CHM: variants seen among roughly 807,000 people sequenced by gnomAD.
CHM encodes rab proteins geranylgeranyltransferase component A 1.
A neutral mutation model predicts 49.0 loss-of-function variants in CHM; 10 were observed. The ratio of observed to expected loss-of-function variants is 0.20; its 90% CI spans 0.13 to 0.35. CHM has a LOEUF of 0.35. CHM is among the 10% of genes least tolerant of loss of function. The pLI, the probability that CHM is intolerant of heterozygous loss-of-function variation, is 1.00. For synonymous variants in CHM, 184 were observed against 167.5 expected (o/e 1.10, Z -0.76); for missense variants, 455 against 478.4 (o/e 0.95, Z 0.46).
At position 86,021,140 on chromosome X, in the gene CHM, A is replaced by ATATATATACG. The variant is rs1555967742; in HGVS notation, c.116+6350_116+6351insCGTATATATA. 3.1e-4 allele frequency among the ~76,000 whole-genome samples: 16 copies of ATATATATACG among 51,509 alleles called. No homozygotes were observed. The East Asian group carries it at 0.022, about 70-fold the overall frequency. The allele number at this position is 51,509 out of a possible 115,157, so 44.7% of individuals were successfully genotyped here. ...TGTGTATATACGTATATATATATAT[A>ATATATATACG]TATATATATATATATATACACGTAT... On this transcript the variant is annotated intron_variant, in intron 2 of 14. Coordinates refer to ENST00000357749, the MANE Select transcript of CHM (RefSeq NM_000390.4).
intron 4 of CHM, among the ~76,000 whole-genome samples, chrX:85,964,756 G>A (rs770170639): frequency 3.6e-5 from 4 of 111,984 alleles, no homozygotes; most frequent in Non-Finnish European, 7.5e-5. Context: ...TACTCTAGTC[G>A]AAGCCCCATT....
At chrX:85,909,791 T>G (rs763013116) in intron 9 of CHM, among the ~76,000 whole-genome samples, 1 of 112,134 alleles carries the variant, frequency 8.9e-6, no homozygotes, top group African/African-American at 3.2e-5. Flanking sequence ...CACATGGGAC[T>G]GAAATGGGAC....
At chrX:86,008,776 A>G (rs1348719944) in intron 2 of CHM, among the ~76,000 whole-genome samples, 1 of 112,010 alleles carries the variant, frequency 8.9e-6, no homozygotes, top group East Asian at 2.8e-4. Flanking sequence ...ACAAAAGCAG[A>G]CAGAGGCAAT....
At chrX:85,938,722 T>C (rs1928933888) in intron 8 of CHM, among the ~76,000 whole-genome samples, 1 of 110,509 alleles carries the variant, frequency 9.0e-6, no homozygotes, top group Non-Finnish European at 1.9e-5. Flanking sequence ...CCCAAGTAAC[T>C]GATTACAAAC....
At chrX:85,930,924 T>A (rs1231398660) in intron 8 of CHM, among the ~76,000 whole-genome samples, 1 of 111,754 alleles carries the variant, frequency 8.9e-6, no homozygotes, top group African/African-American at 3.3e-5. Context: ...GAAAAAAGCC[T>A]GAGAATTTTC....
At chrX:86,042,629 G>C (rs998551721) in intron 1 of CHM, among the ~76,000 whole-genome samples, 2 of 108,754 alleles carry the variant, frequency 1.8e-5, no homozygotes. Context: ...ACCAGCCTGG[G>C]CAACATAGGC....
In CHM at chrX:85,970,493, A is replaced by G. The variant is rs988752975; in HGVS notation, c.315-6441T>C. On this transcript the variant is annotated intron_variant, in intron 4 of 14. Transcript: ENST00000357749. Reference sequence around the variant, plus strand: ...GTGTTTACCTGATGACTGAAATACAACATGATACACTGGAAATAGCACACG... The same window carrying G: ...GTGTTTACCTGATGACTGAAATACAGCATGATACACTGGAAATAGCACACG... 9.4e-6 allele frequency: 7 copies of G among 741,660 alleles called. No individual in the cohort carries two copies. The African/African-American group carries it at 1.6e-4, about 17-fold the overall frequency. The allele number at this position is 741,660 out of a possible 1,213,427, so 61.1% of individuals were successfully genotyped here.
intron 13 of CHM, among the ~76,000 whole-genome samples, chrX:85,876,492 C>A (rs1407859613): frequency 8.9e-6 from 1 of 111,776 alleles, no homozygotes; most frequent in Admixed American, 9.5e-5. Context: ...CATAAAGTTC[C>A]TTCTTCCTCA....
chrX:86,043,088 C>A (rs1268815847), intron 1 of CHM, among the ~76,000 whole-genome samples: 2 of 111,825 alleles, frequency 1.8e-5, no homozygotes, highest in East Asian at 5.6e-4. Flanking sequence ...AGAATTTAGC[C>A]TTTTCTCAAG....
chrX:85,914,194 T>C (rs1044743664), intron 8 of CHM, among the ~76,000 whole-genome samples: 1 of 110,565 alleles, frequency 9.0e-6, no homozygotes, highest in Admixed American at 9.6e-5. Flanking sequence ...CCCAGAAGGT[T>C]TGGCACGGGA....
chrX:85,930,428 A>G (rs925132236), intron 8 of CHM, among the ~76,000 whole-genome samples: 3 of 111,893 alleles, frequency 2.7e-5, no homozygotes, highest in Non-Finnish European at 3.8e-5. Flanking sequence ...ACAAGTCCCC[A>G]AGGTCAAAGT....
At chrX:85,998,991 G>A (rs1932574518) in intron 2 of CHM, among the ~76,000 whole-genome samples, 1 of 110,381 alleles carries the variant, frequency 9.1e-6, no homozygotes, top group Non-Finnish European at 1.9e-5. Flanking sequence ...CAGAAAAAAA[G>A]GTTTTTTTCA....
chrX:86,033,064 A>T (rs886927448), intron 1 of CHM, among the ~76,000 whole-genome samples: 4 of 111,596 alleles, frequency 3.6e-5, no homozygotes, highest in Non-Finnish European at 7.5e-5. Flanking sequence ...TAAAACCATT[A>T]TCTATTCATT....
chrX:85,917,402 T>C (rs965125614), intron 8 of CHM, among the ~76,000 whole-genome samples: 3 of 111,221 alleles, frequency 2.7e-5, no homozygotes, highest in African/African-American at 9.8e-5. Context: ...ATGACACAAG[T>C]TTAGCTATGT....
chrX:85,893,308 A>G (rs1925598397), intron 12 of CHM, among the ~76,000 whole-genome samples: 1 of 112,038 alleles, frequency 8.9e-6, no homozygotes, highest in South Asian at 3.7e-4. Flanking sequence ...ATGTTGTAGA[A>G]TGCATGATAT....
chrX:85,968,015 T>C (rs1484236186), intron 4 of CHM, among the ~76,000 whole-genome samples: 1 of 111,695 alleles, frequency 9.0e-6, no homozygotes, highest in Admixed American at 9.5e-5. Flanking sequence ...TTCAGCCATT[T>C]GCACCTTCTC....
At chrX:85,988,396 A>G (rs947884727) in intron 2 of CHM, among the ~76,000 whole-genome samples, 1 of 111,800 alleles carries the variant, frequency 8.9e-6, no homozygotes, top group Non-Finnish European at 1.9e-5. Flanking sequence ...CACAGACAAC[A>G]TCATGCTGAA....
At chrX:86,027,584 T>C in intron 1 of CHM, 27 bp from the exon 2 acceptor site, 1 of 1,135,624 alleles carries the variant, frequency 8.8e-7, no homozygotes, top group Middle Eastern at 2.4e-4. Flanking sequence ...CCGTATCATT[T>C]AGAATGTAGA....
intron 2 of CHM, among the ~76,000 whole-genome samples, chrX:85,992,262 T>C (rs940198768): frequency 1.8e-5 from 2 of 111,626 alleles, no homozygotes; most frequent in African/African-American, 6.5e-5. Context: ...ATTACTCTAA[T>C]GTCAGAGCTG....
Sources: allele counts gnomAD v4.1 joint callset (sites outside exome capture counted in the v4.1 genomes callset), GRCh38; gene constraint gnomAD v4.1.1; transcripts MANE v1.5; gene names NCBI Gene and HGNC (gene_info 2026-07-23, HGNC 2026-07-21).